Variants in TSHZ3 observed in about 807,000 individuals in gnomAD.
TSHZ3 encodes teashirt homolog 3.
Under a neutral mutation model 64.5 loss-of-function variants are expected in TSHZ3, and 10 were observed. That is an observed-to-expected ratio of 0.16 (90% CI 0.10 to 0.26). The LOEUF is 0.26. Among genes scored for constraint, TSHZ3 ranks in the 10% least tolerant of loss-of-function variants. The pLI is 1.00. For synonymous variants in TSHZ3, 608 were observed against 593.1 expected, an observed-to-expected ratio of 1.03 and a Z score of -0.36; for missense variants, 1,242 against 1,421.7, an observed-to-expected ratio of 0.87 and a Z score of 2.03.
chr19:31,245,816 C>T (rs920240176), intron 1 of TSHZ3, among the ~76,000 whole-genome samples: 5 of 152,160 alleles, frequency 3.3e-5, no homozygotes, highest in Non-Finnish European at 7.3e-5. Context: ...AGACACTCAG[C>T]ATTCATTGCA....
At chr19:31,241,957 A>G (rs558975740) in intron 3 of TSHZ3, among the ~76,000 whole-genome samples, 2 of 152,310 alleles carry the variant, frequency 1.3e-5, no homozygotes, top group Non-Finnish European at 2.9e-5. Context: ...TGATCAGGCA[A>G]TCTGCCCTGT....
chr19:31,300,102 G>GAATGCATTAC (rs1272052476), intron 1 of TSHZ3, among the ~76,000 whole-genome samples: 7 of 152,162 alleles, frequency 4.6e-5, no homozygotes, highest in Non-Finnish European at 7.3e-5. Context: ...CAAAGAAGGT[G>GAATGCATTAC]AATGCATTAC....
At chr19:31,297,477 A>T (rs1173148992) in intron 1 of TSHZ3, among the ~76,000 whole-genome samples, 2 of 151,862 alleles carry the variant, frequency 1.3e-5, no homozygotes, top group Non-Finnish European at 2.9e-5. Flanking sequence ...CGATTTTCTA[A>T]TTTTTTATTT....
chr19:31,266,136 C>T (rs1019092238), intron 1 of TSHZ3, among the ~76,000 whole-genome samples: 1 of 152,086 alleles, frequency 6.6e-6, no homozygotes. Context: ...CCTCAGGGAG[C>T]CCATGTCCCC....
chr19:31,221,496 C>T (rs1056378023), intron 4 of TSHZ3, among the ~76,000 whole-genome samples: 1 of 152,182 alleles, frequency 6.6e-6, no homozygotes. Context: ...GCCATGTGCC[C>T]GAGGTCATCA....
At position 31,277,646 on chromosome 19, in the gene TSHZ3, T is replaced by C; in HGVS notation, c.2147A>G (p.Gln716Arg). 5.8e-6 allele frequency: 9 copies of C among 1,542,664 alleles called. No individual in the cohort carries two copies. In the South Asian group the frequency reaches 1.1e-4, roughly 20 times the overall value. Residue 716 changes from glutamine (Q) to arginine (R), a missense_variant, in exon 2 of 2, where the codon CAG becomes CGG. Transcript: ENST00000240587. This position sits in a 1 kb window ranked among gnomAD's most constrained non-coding sequence, Gnocchi z 4.5. ...TAIITDHPPE[Q>R]PFVNPLSALQ... ...GGCGCTCAAAGGGTTAACAAAAGGC[T>C]GTTCAGGCGGGTGGTCGGTGATGAT...
At chr19:31,216,859 T>C (rs1975340771) in intron 4 of TSHZ3, among the ~76,000 whole-genome samples, 1 of 152,112 alleles carries the variant, frequency 6.6e-6, no homozygotes. Context: ...GGTTTCACCA[T>C]GTTAGCCAGG....
chr19:31,184,718 T>G (rs1364169347), intron 5 of TSHZ3, among the ~76,000 whole-genome samples: 1 of 152,170 alleles, frequency 6.6e-6, no homozygotes, highest in Non-Finnish European at 1.5e-5. Context: ...CTGATTAGAT[T>G]AGAGGTATTT....
intron 1 of TSHZ3, among the ~76,000 whole-genome samples, chr19:31,282,059 C>G (rs1199381973): frequency 6.6e-6 from 1 of 152,168 alleles, no homozygotes; most frequent in Admixed American, 6.5e-5. Flanking sequence ...ATAATCCTCT[C>G]GGGGAACAGC....
intron 1 of TSHZ3, among the ~76,000 whole-genome samples, chr19:31,287,748 A>T (rs1976488697): frequency 2.0e-5 from 3 of 152,004 alleles, no homozygotes; most frequent in Admixed American, 6.6e-5. Flanking sequence ...TCTGGAAAGG[A>T]CTCTATGACA....
intron 1 of TSHZ3, among the ~76,000 whole-genome samples, chr19:31,325,855 C>A (rs1481159391): frequency 6.6e-6 from 1 of 152,070 alleles, no homozygotes; most frequent in Non-Finnish European, 1.5e-5. Context: ...CAGCTCTGTG[C>A]AACAAAATAT....
intron 1 of TSHZ3, among the ~76,000 whole-genome samples, chr19:31,265,233 C>A (rs905409711): frequency 1.3e-5 from 2 of 151,466 alleles, no homozygotes; most frequent in Non-Finnish European, 2.9e-5. Flanking sequence ...CCCGTCTCTA[C>A]TAAAAATATG....
At chr19:31,290,839 T>G (rs1452231712) in intron 1 of TSHZ3, among the ~76,000 whole-genome samples, 1 of 152,214 alleles carries the variant, frequency 6.6e-6, no homozygotes, top group Non-Finnish European at 1.5e-5. Context: ...CCAGGACTTC[T>G]GCAGAAGGCT....
chr19:31,313,488 C>T (rs1016246914), intron 1 of TSHZ3, among the ~76,000 whole-genome samples: 67 of 152,318 alleles, frequency 4.4e-4, no homozygotes, highest in African/African-American at 1.5e-3. Context: ...CGGATGTGGG[C>T]ACCTGGCAGG....
chr19:31,230,159 G>A (rs1975520204), intron 3 of TSHZ3, among the ~76,000 whole-genome samples: 1 of 152,072 alleles, frequency 6.6e-6, no homozygotes, highest in African/African-American at 2.4e-5. Context: ...CTGAAAATAT[G>A]CAGCTGCTTA....
chr19:31,327,205 G>A (rs764705028), intron 1 of TSHZ3, among the ~76,000 whole-genome samples: 1 of 152,232 alleles, frequency 6.6e-6, no homozygotes, highest in Non-Finnish European at 1.5e-5. Context: ...ATTACTGGAT[G>A]TGTTCGACCA....
rs117889604 is a variant in TSHZ3 at position 31,263,508 on chromosome 19, G to C, written n.64-20633C>G. 5.0e-3 allele frequency among the ~76,000 whole-genome samples: 762 copies of C among 152,352 alleles called. 19 individuals are homozygous for C. The highest frequency in any genetic ancestry group is 0.038 in the Admixed American group (579 of 15,304). ...AGGAAAGCTGCCTTCTCCCCAGCTG[G>C]AGTGCCCCCGTCCTGCTGGTCAGGG... is the stretch of plus-strand genomic sequence containing the variant. On this transcript the variant is annotated intron_variant and non_coding_transcript_variant, in intron 1 of 6. Coordinates refer to the TSHZ3 transcript ENST00000651361.
intron 5 of TSHZ3, among the ~76,000 whole-genome samples, chr19:31,198,124 G>A (rs1309423055): frequency 6.6e-6 from 1 of 152,040 alleles, no homozygotes; most frequent in Non-Finnish European, 1.5e-5. Context: ...TTTATCCCTG[G>A]TATGCAAAAA....
At chr19:31,151,039 T>C (rs1974231209) in exon 7 of TSHZ3, among the ~76,000 whole-genome samples, 1 of 152,208 alleles carries the variant, frequency 6.6e-6, no homozygotes, top group Admixed American at 6.5e-5. Context: ...TAAGAGTTAA[T>C]AGTTATTCTT....
Sources: gnomAD v4.1 joint callset for allele counts (sites outside exome capture counted in the v4.1 genomes callset) on GRCh38, gnomAD v4.1.1 for gene constraint, Gnocchi (gnomAD v3.1) non-coding constraint, MANE v1.5 for transcripts, NCBI Gene and HGNC (gene_info 2026-07-23, HGNC 2026-07-21) for gene names.